Variants in XKR9 observed in about 807,000 individuals in gnomAD.
XKR9 encodes the protein XK-related protein 9.
XKR9 carries 32 observed loss-of-function variants against 32.0 expected under a neutral mutation model. That is an observed-to-expected ratio of 1.00 (90% CI 0.76 to 1.34). The LOEUF (loss-of-function observed/expected upper bound fraction) is 1.34, where lower values mean the gene tolerates loss of function less well. XKR9 is among the 40% of genes most tolerant of loss of function. The pLI is 0.00. For synonymous variants in XKR9, 168 were observed against 143.4 expected (o/e 1.17, Z -1.22); for missense variants, 546 against 429.7 (o/e 1.27, Z -2.39).
the XKR9 span, among the ~76,000 whole-genome samples, chr8:70,945,952 T>C: frequency 6.6e-6 from 1 of 152,180 alleles, no homozygotes; most frequent in African/African-American, 2.4e-5. Context: ...GTGGCCAACA[T>C]GGTGAAACCC....
At chr8:70,700,875 A>T (rs943822999) in intron 3 of XKR9, among the ~76,000 whole-genome samples, 3 of 152,200 alleles carry the variant, frequency 2.0e-5, no homozygotes, top group Non-Finnish European at 4.4e-5. Flanking sequence ...TTACCTGAGC[A>T]AGCCTGGGCA....
In XKR9 at chr8:70,706,953, G is replaced by A; in HGVS notation, c.293G>A (p.Arg98Lys). Reference protein sequence around the residue: ...VFTRYWFALKRGYHAAFKYDS... With the variant: ...VFTRYWFALKKGYHAAFKYDS... ...TATAGGTATTGGTTTGCCTTAAAAAGGGGTTACCATGCAGCTTTTAAATAT... is the reference window on the plus strand; with the variant it reads ...TATAGGTATTGGTTTGCCTTAAAAAAGGGTTACCATGCAGCTTTTAAATAT... The change falls in exon 4 of 5, where the codon AGG becomes AAG. Residue 98 changes from arginine to lysine, a missense_variant. Physicochemically the swap from Arg to Lys is conservative, Grantham distance 26 (BLOSUM62 2). Transcript: ENST00000408926. 6.2e-7 allele frequency: 1 copy of A among 1,612,264 alleles called. No homozygotes were observed. Among genetic ancestry groups the A allele is most frequent in the Non-Finnish European group, 8.5e-7 (1 of 1,178,864 alleles).
the XKR9 span, among the ~76,000 whole-genome samples, chr8:71,030,317 T>G: frequency 6.6e-6 from 1 of 152,196 alleles, no homozygotes; most frequent in Non-Finnish European, 1.5e-5. Context: ...CAGTTCACAG[T>G]GTAAATTTTC....
At chr8:70,839,051 C>T in the XKR9 span, among the ~76,000 whole-genome samples, 1 of 152,032 alleles carries the variant, frequency 6.6e-6, no homozygotes, top group Non-Finnish European at 1.5e-5. Flanking sequence ...ATAAATCTTA[C>T]TGGTCTATTC....
Position 70,674,462 on chromosome 8 carries a change from A to G in XKR9, c.-360-356A>G, listed in dbSNP as rs796506557. On this transcript the variant is annotated intron_variant, in intron 1 of 4. Coordinates refer to ENST00000408926, the MANE Select transcript of XKR9 (RefSeq NM_001011720.2). ...GGGGCACAAGATTTGAGAAGGTATA[A>G]GGTTGAAAAGTAGGTAGGGCTGAGT... Among the ~76,000 whole-genome samples the G allele has an allele frequency of 3.9e-5, 6 of 152,234 alleles. No individual in the cohort carries two copies. The South Asian group carries it at 6.2e-4, about 16-fold the overall frequency.
chr8:70,818,006 C>T, the XKR9 span, among the ~76,000 whole-genome samples: 1 of 152,114 alleles, frequency 6.6e-6, no homozygotes, highest in African/African-American at 2.4e-5. Flanking sequence ...AAACTCTAAA[C>T]ATTCTAGAAG....
At chr8:70,820,272 T>C in the XKR9 span, among the ~76,000 whole-genome samples, 1 of 152,340 alleles carries the variant, frequency 6.6e-6, no homozygotes, top group South Asian at 2.1e-4. Context: ...TATACCCTTT[T>C]GTCTGATCAT....
the XKR9 span, among the ~76,000 whole-genome samples, chr8:70,992,714 T>C: frequency 6.6e-6 from 1 of 152,220 alleles, no homozygotes; most frequent in Admixed American, 6.5e-5. Flanking sequence ...TTCAGAGCCC[T>C]GGTGTTGGTG....
the XKR9 span, among the ~76,000 whole-genome samples, chr8:70,897,813 C>T: frequency 3.3e-5 from 5 of 152,102 alleles, no homozygotes; most frequent in East Asian, 3.9e-4. Flanking sequence ...TCTCCCATTC[C>T]GTGGGTTATC....
At chr8:70,956,805 A>G in the XKR9 span, among the ~76,000 whole-genome samples, 33 of 152,056 alleles carry the variant, frequency 2.2e-4, no homozygotes, top group African/African-American at 7.7e-4. Context: ...GGGTGTCGGG[A>G]GTGGGGAGAG....
the XKR9 span, among the ~76,000 whole-genome samples, chr8:70,814,602 A>G: frequency 6.6e-6 from 1 of 152,140 alleles, no homozygotes; most frequent in Non-Finnish European, 1.5e-5. Context: ...TCTAAAAATA[A>G]TAAAGGCCAT....
chr8:70,961,715 C>T, the XKR9 span, among the ~76,000 whole-genome samples: 2 of 151,896 alleles, frequency 1.3e-5, no homozygotes, highest in Non-Finnish European at 2.9e-5. Flanking sequence ...TTATACTTTT[C>T]TCTGTTTCCA....
chr8:70,738,663 T>C (rs1473564548), downstream of XKR9, among the ~76,000 whole-genome samples: 1 of 152,182 alleles, frequency 6.6e-6, no homozygotes, highest in Non-Finnish European at 1.5e-5. Context: ...GATTCTGGTA[T>C]GTTGTGTCTT....
chr8:70,968,485 GAGGTGTTGTAGTCATTTGGAGA>G, the XKR9 span, among the ~76,000 whole-genome samples: 3 of 152,206 alleles, frequency 2.0e-5, no homozygotes, highest in African/African-American at 7.2e-5. Context: ...CCTTGCTGGA[GAGGTGTTGTAGTCATTTGGAGA>G]AGTAGCACTT....
At chr8:70,751,621 C>A (rs1563467928) in intron 2 of XKR9, among the ~76,000 whole-genome samples, 1 of 152,106 alleles carries the variant, frequency 6.6e-6, no homozygotes. Context: ...CTGGATGGAA[C>A]AAAAAGGCAG....
the XKR9 span, among the ~76,000 whole-genome samples, chr8:70,920,686 C>T: frequency 6.6e-6 from 1 of 151,922 alleles, no homozygotes; most frequent in African/African-American, 2.4e-5. Flanking sequence ...CCCAGCCCCT[C>T]TTTATATATA....
At chr8:70,813,675 A>G in the XKR9 span, among the ~76,000 whole-genome samples, 2 of 152,250 alleles carry the variant, frequency 1.3e-5, no homozygotes, top group African/African-American at 2.4e-5. Flanking sequence ...TTATGCACCC[A>G]AAAAACACAT....
At chr8:70,823,501 T>A in the XKR9 span, among the ~76,000 whole-genome samples, 5 of 152,256 alleles carry the variant, frequency 3.3e-5, no homozygotes, top group Non-Finnish European at 5.9e-5. Flanking sequence ...TGCTCTGAGA[T>A]ACACTCTATC....
chr8:70,946,721 G>A, the XKR9 span, among the ~76,000 whole-genome samples: 1 of 152,194 alleles, frequency 6.6e-6, no homozygotes. Flanking sequence ...GATATGATTT[G>A]CCTATGAATG....
Sources: allele counts gnomAD v4.1 joint callset (sites outside exome capture counted in the v4.1 genomes callset), GRCh38; gene constraint gnomAD v4.1.1; transcripts MANE v1.5; gene names NCBI Gene and HGNC (gene_info 2026-07-23, HGNC 2026-07-21).